SEMA6A: variants seen among roughly 807,000 people sequenced by gnomAD.
The protein encoded by SEMA6A is semaphorin-6A.
A neutral mutation model predicts 96.8 loss-of-function variants in SEMA6A; 25 were observed. The observed-to-expected ratio is 0.26, with a 90% CI of 0.19 to 0.36. The LOEUF is 0.36. Among genes scored for constraint, SEMA6A ranks in the 10% least tolerant of loss-of-function variants. The probability of loss-of-function intolerance (pLI) is 1.00; values close to 1 mark genes in which losing one functional copy is unlikely to be tolerated. For missense variants in SEMA6A, 1,363 were observed against 1,323.1 expected, an observed-to-expected ratio of 1.03 and a Z score of -0.47; for synonymous variants, 612 against 518.0, an observed-to-expected ratio of 1.18 and a Z score of -2.46.
intron 18 of SEMA6A, among the ~76,000 whole-genome samples, chr5:116,454,281 C>A (rs1052528382): frequency 5.3e-5 from 8 of 152,126 alleles, no homozygotes; most frequent in Non-Finnish European, 1.2e-4. Context: ...GATGGCAAAA[C>A]ACCAAGAAAA....
At chr5:116,497,465 T>G (rs1201140132) in intron 3 of SEMA6A, 78 bp from the exon 4 acceptor site, 1 of 862,240 alleles carries the variant, frequency 1.2e-6, no homozygotes, top group African/African-American at 1.7e-5. Flanking sequence ...AGTTATGTCT[T>G]ATCAGGGCAG....
At chr5:116,475,079 T>C (rs1021238608) in intron 16 of SEMA6A, among the ~76,000 whole-genome samples, 3 of 152,204 alleles carry the variant, frequency 2.0e-5, no homozygotes, top group Non-Finnish European at 4.4e-5. Context: ...CATATGGTAA[T>C]AGACACAAAT....
chr5:116,482,411 G>C (rs931883015), intron 11 of SEMA6A, 33 bp downstream of exon 11: 1 of 1,602,558 alleles, frequency 6.2e-7, no homozygotes, highest in African/African-American at 1.3e-5. Context: ...CATTTCTAAA[G>C]TTTAAAATAG....
Position 116,447,081 on chromosome 5 carries a change from G to A in SEMA6A, c.2625C>T (p.Asp875=), listed in dbSNP as rs748625690. Residue 875 remains aspartate (D), a synonymous_variant, in exon 19 of 19, where the codon GAC becomes GAT. Coordinates refer to ENST00000343348, the MANE Select transcript of SEMA6A (RefSeq NM_020796.5). ...NHGVNLVENL[D]SLPPKVPQRE... ...GCTGTGGAACTTTGGGGGGCAGGCT[G>A]TCCAGGTTCTCCACAAGGTTCACCC... 6.2e-7 allele frequency: 1 copy of A among 1,613,970 alleles called. No individual in the cohort carries two copies. Among genetic ancestry groups the A allele is most frequent in the East Asian group, 2.2e-5 (1 of 44,830 alleles).
At chr5:116,567,191 G>A (rs999981158) in intron 1 of SEMA6A, among the ~76,000 whole-genome samples, 5 of 151,826 alleles carry the variant, frequency 3.3e-5, no homozygotes, top group Non-Finnish European at 5.9e-5. Context: ...CATGTTTTGG[G>A]TGTGATATTT....
At chr5:116,485,677 A>G (rs1289241090) in intron 10 of SEMA6A, among the ~76,000 whole-genome samples, 1 of 152,200 alleles carries the variant, frequency 6.6e-6, no homozygotes, top group African/African-American at 2.4e-5. Context: ...CCTGTCATTT[A>G]GGCACTCATC....
chr5:116,449,196 A>C, intron 18 of SEMA6A: 1 of 618,754 alleles, frequency 1.6e-6, no homozygotes, highest in East Asian at 2.8e-5. Context: ...TAAAATCTCT[A>C]ATACCTCAAT....
chr5:116,482,336 G>T, intron 11 of SEMA6A, 108 bp downstream of exon 11: 1 of 1,216,016 alleles, frequency 8.2e-7, no homozygotes, highest in Non-Finnish European at 1.1e-6. Context: ...CAATCTGCTT[G>T]GCTGGCATGG....
At chr5:116,484,216 G>GA (rs1324745648) in intron 10 of SEMA6A, among the ~76,000 whole-genome samples, 1 of 151,826 alleles carries the variant, frequency 6.6e-6, no homozygotes, top group Non-Finnish European at 1.5e-5. Flanking sequence ...TATATATTAA[G>GA]AAAAATAGGA....
In SEMA6A at chr5:116,549,544, A is replaced by C. The variant is rs960853961; in HGVS notation, c.-39+24641T>G. ...GGCTAATTTTCTTTTCATCTCCACC[A>C]ACATTGCCCAGACAAAACAAAATAT... On this transcript the variant is annotated intron_variant, in intron 1 of 18. Coordinates refer to ENST00000343348, the MANE Select transcript of SEMA6A (RefSeq NM_020796.5). Among the ~76,000 whole-genome samples, 100 of 152,156 alleles carry C rather than the reference A, an allele frequency of 6.6e-4. 1 individual carries two copies. Among genetic ancestry groups the C allele is most frequent in the African/African-American group, 2.3e-3 (95 of 41,434 alleles).
Position 116,530,021 on chromosome 5 carries a change from G to GACA in SEMA6A, c.-38-25042_-38-25040dup, listed in dbSNP as rs146623552. ...AAGTAGAAGAAAAAATAAAAATAAT[G>GACA]ACAACAACAACAACAAAAATTAGGC... On this transcript the variant is annotated intron_variant, in intron 1 of 18. Transcript: ENST00000343348. Among the ~76,000 whole-genome samples, 199 of 152,024 alleles carry GACA rather than the reference G, an allele frequency of 1.3e-3. 1 individual carries two copies. The highest frequency in any genetic ancestry group is 2.2e-3 in the Non-Finnish European group (150 of 67,964).
intron 18 of SEMA6A, among the ~76,000 whole-genome samples, chr5:116,457,017 G>A (rs1755055707): frequency 6.6e-6 from 1 of 152,092 alleles, no homozygotes; most frequent in Non-Finnish European, 1.5e-5. Context: ...CCAAAGTAAG[G>A]TCCTGCTTTA....
rs901062626 is a variant in SEMA6A at position 116,445,087 on chromosome 5, T to A, written c.*1526A>T. ...TCCAGTTGGCACAACTAGAAGGCAG[T>A]GTGAATTGGAGGGTGTGGTGCTGCC... On this transcript the variant is annotated 3_prime_UTR_variant, in exon 19 of 19. Coordinates refer to ENST00000343348, the MANE Select transcript of SEMA6A (RefSeq NM_020796.5). The A allele has an allele frequency of 1.3e-5, 2 of 152,664 alleles. No homozygotes were observed. Among genetic ancestry groups the A allele is most frequent in the Non-Finnish European group, 2.9e-5 (2 of 68,066 alleles). 9.5% of individuals were successfully genotyped at this position (152,664 alleles called of 1,614,324 possible).
intron 1 of SEMA6A, among the ~76,000 whole-genome samples, chr5:116,520,844 C>T (rs1009134293): frequency 5.9e-5 from 9 of 152,176 alleles, no homozygotes; most frequent in Non-Finnish European, 1.0e-4. Context: ...GATCCTCTGA[C>T]AAGTCTTTCC....
At chr5:116,546,258 TCA>T (rs1264705175) in intron 1 of SEMA6A, among the ~76,000 whole-genome samples, 1 of 152,192 alleles carries the variant, frequency 6.6e-6, no homozygotes, top group Non-Finnish European at 1.5e-5. Context: ...AAGCTCAGAG[TCA>T]CAGGCTTGTA....
Position 116,473,111 on chromosome 5 carries a change from G to A in SEMA6A, c.1709-18C>T. On this transcript the variant is annotated intron_variant, in intron 16 of 18. Transcript: ENST00000343348. ...AAAGGAATCTGAAAGACAAAAGGGAGGAGAAGGTTACTTAATGTTTTACGC... is the reference window on the plus strand; with the variant it reads ...AAAGGAATCTGAAAGACAAAAGGGAAGAGAAGGTTACTTAATGTTTTACGC... 6.3e-7 allele frequency: 1 copy of A among 1,588,864 alleles called. No homozygotes were observed. Among genetic ancestry groups the A allele is most frequent in the East Asian group, 2.3e-5 (1 of 43,958 alleles).
At chr5:116,491,511 C>T (rs996329990) in intron 7 of SEMA6A, among the ~76,000 whole-genome samples, 4 of 151,978 alleles carry the variant, frequency 2.6e-5, no homozygotes, top group Admixed American at 6.6e-5. Flanking sequence ...ACATGTTCAG[C>T]GCTATGCTGT....
At chr5:116,509,030 G>T (rs571455381) in intron 1 of SEMA6A, among the ~76,000 whole-genome samples, 1 of 152,160 alleles carries the variant, frequency 6.6e-6, no homozygotes, top group Non-Finnish European at 1.5e-5. Flanking sequence ...TTAGAGACCC[G>T]GCTGGGCTGC....
intron 3 of SEMA6A, among the ~76,000 whole-genome samples, chr5:116,500,458 T>C (rs1755123561): frequency 6.6e-6 from 1 of 152,216 alleles, no homozygotes; most frequent in Non-Finnish European, 1.5e-5. Flanking sequence ...AATCTACAGC[T>C]ATGTTTGTGA....
Sources: gnomAD v4.1 joint callset for allele counts (sites outside exome capture counted in the v4.1 genomes callset) on GRCh38, gnomAD v4.1.1 for gene constraint, MANE v1.5 for transcripts, NCBI Gene and HGNC (gene_info 2026-07-23, HGNC 2026-07-21) for gene names.